The following PDE4B variants were observed in gnomAD, a reference collection of about 807,000 sequenced individuals.
PDE4B encodes the protein phosphodiesterase 4B.
In PDE4B, 20 loss-of-function variants were observed where a neutral mutation model predicts 82.2. That is an observed-to-expected ratio of 0.24 (90% confidence interval 0.17 to 0.35). The LOEUF (loss-of-function observed/expected upper bound fraction) is 0.35, where lower values mean the gene tolerates loss of function less well. Ranked by LOEUF, PDE4B falls within the 10% of genes least tolerant of loss-of-function variation. The pLI is 1.00. For synonymous variants in PDE4B, 320 were observed against 318.9 expected (o/e 1.00, Z -0.04); for missense variants, 655 against 907.2 (o/e 0.72, Z 3.57).
intron 7 of PDE4B, among the ~76,000 whole-genome samples, chr1:66,311,569 G>A (rs1037511757): frequency 6.6e-6 from 1 of 152,258 alleles, no homozygotes; most frequent in Non-Finnish European, 1.5e-5. Flanking sequence ...ATGGCAGGTA[G>A]CTTGAGAGAA....
chr1:66,256,912 T>C (rs902721305), intron 4 of PDE4B, among the ~76,000 whole-genome samples: 1 of 152,202 alleles, frequency 6.6e-6, no homozygotes, highest in Non-Finnish European at 1.5e-5. Flanking sequence ...ATAGAGAGTT[T>C]GCTGAATGTG....
chr1:65,963,971 A>G (rs1649676185), intron 3 of PDE4B, among the ~76,000 whole-genome samples: 1 of 152,168 alleles, frequency 6.6e-6, no homozygotes, highest in Admixed American at 6.6e-5. Flanking sequence ...AAACTGGTAA[A>G]TTATCAGAAG....
chr1:65,900,187 G>C (rs1333897235), intron 1 of PDE4B, among the ~76,000 whole-genome samples: 1 of 152,008 alleles, frequency 6.6e-6, no homozygotes, highest in Non-Finnish European at 1.5e-5. Context: ...TGGGTAGCCA[G>C]TTACGCCAGC....
intron 3 of PDE4B, among the ~76,000 whole-genome samples, chr1:66,229,641 A>G (rs2101628555): frequency 6.6e-6 from 1 of 152,278 alleles, no homozygotes; most frequent in Non-Finnish European, 1.5e-5. Flanking sequence ...GATTTTGAGG[A>G]ATTACATTTC....
intron 7 of PDE4B, among the ~76,000 whole-genome samples, chr1:66,309,862 A>ATAGCAATAT (rs1658544773): frequency 6.6e-6 from 1 of 152,212 alleles, no homozygotes; most frequent in South Asian, 2.1e-4. Flanking sequence ...AATAGCAATA[A>ATAGCAATAT]TAATAGTATG....
At chr1:66,101,199 T>A (rs1274635755) in intron 3 of PDE4B, among the ~76,000 whole-genome samples, 1 of 152,192 alleles carries the variant, frequency 6.6e-6, no homozygotes, top group African/African-American at 2.4e-5. Context: ...CCATGGTGTA[T>A]ATGTGCCACA....
intron 2 of PDE4B, among the ~76,000 whole-genome samples, chr1:65,914,670 T>C (rs1178630711): frequency 2.6e-5 from 4 of 152,100 alleles, no homozygotes; most frequent in African/African-American, 9.7e-5. Context: ...GCCAATATTT[T>C]GTTTTTTGGA....
chr1:66,243,647 AAT>A (rs143473721), intron 3 of PDE4B, among the ~76,000 whole-genome samples: 3,513 of 152,284 alleles, frequency 0.023, 71 homozygotes, highest in African/African-American at 0.047. Flanking sequence ...TGGAGACTGT[AAT>A]GGGAAAGACA....
intron 3 of PDE4B, among the ~76,000 whole-genome samples, chr1:66,016,159 T>A (rs181765665): frequency 0.012 from 1,756 of 152,266 alleles, 35 homozygotes; most frequent in African/African-American, 0.04. Flanking sequence ...TTCATGGAGT[T>A]GTTGTGAGGA....
intron 3 of PDE4B, among the ~76,000 whole-genome samples, chr1:66,017,052 G>A (rs1213525425): frequency 6.6e-6 from 1 of 152,182 alleles, no homozygotes; most frequent in Non-Finnish European, 1.5e-5. Flanking sequence ...CATTAGGTTG[G>A]AACAGGAGGG....
intron 13 of PDE4B, among the ~76,000 whole-genome samples, chr1:66,366,710 T>C (rs1278527332): frequency 6.6e-6 from 1 of 152,228 alleles, no homozygotes; most frequent in East Asian, 1.9e-4. Flanking sequence ...GTTGGTAGAA[T>C]GTGGTGTCAT....
At chr1:66,228,421 A>G (rs528515087) in intron 3 of PDE4B, among the ~76,000 whole-genome samples, 117 of 152,190 alleles carry the variant, frequency 7.7e-4, no homozygotes, top group East Asian at 2.3e-3. Context: ...TCAGGAGATC[A>G]AGACCATCCT....
chr1:66,022,484 A>G (rs1653186200), intron 3 of PDE4B, among the ~76,000 whole-genome samples: 1 of 152,210 alleles, frequency 6.6e-6, no homozygotes, highest in African/African-American at 2.4e-5. Context: ...ATATGCCATC[A>G]GTACCTAATT....
chr1:65,985,509 T>G (rs1309496130), intron 3 of PDE4B, among the ~76,000 whole-genome samples: 1 of 152,218 alleles, frequency 6.6e-6, no homozygotes. Context: ...AAAGAGGTTT[T>G]CCCAAATATA....
chr1:65,914,615 A>AG (rs1039824711), intron 2 of PDE4B, among the ~76,000 whole-genome samples: 1 of 152,002 alleles, frequency 6.6e-6, no homozygotes. Context: ...AAAAAAAAAA[A>AG]AAAGGCTTGT....
At chr1:66,101,126 C>T (rs1258442235) in intron 3 of PDE4B, among the ~76,000 whole-genome samples, 1 of 152,136 alleles carries the variant, frequency 6.6e-6, no homozygotes, top group Non-Finnish European at 1.5e-5. Flanking sequence ...ATGACGGTTT[C>T]CAGCTTCATC....
At chr1:65,994,787 C>G (rs1651443209) in intron 3 of PDE4B, among the ~76,000 whole-genome samples, 1 of 151,920 alleles carries the variant, frequency 6.6e-6, no homozygotes, top group Non-Finnish European at 1.5e-5. Flanking sequence ...TTCTTAAACC[C>G]TTGGTAATAT....
chr1:65,864,559 T>C (rs577745213), intron 1 of PDE4B, among the ~76,000 whole-genome samples: 1 of 152,146 alleles, frequency 6.6e-6, no homozygotes, highest in Non-Finnish European at 1.5e-5. Flanking sequence ...GGGTCCTTTA[T>C]GTTGATGTTG....
rs150474659 is a variant in PDE4B at position 65,960,079 on chromosome 1, T to C, written c.281+41244T>C. Among the ~76,000 whole-genome samples, 480 of 152,294 alleles carry C rather than the reference T, an allele frequency of 3.2e-3. 2 individuals are homozygous for C. Among genetic ancestry groups the C allele is most frequent in the Middle Eastern group, 0.027 (8 of 294 alleles). ...GCTTTGTAAAGTCTACATTTTATTA[T>C]TGCATTTGCTATTTTTAGCTCTTTA... On this transcript the variant is annotated intron_variant, in intron 3 of 16. Transcript: ENST00000341517.
Sources: allele counts gnomAD v4.1 joint callset (sites outside exome capture counted in the v4.1 genomes callset), GRCh38; gene constraint gnomAD v4.1.1; transcripts MANE v1.5; gene names NCBI Gene and HGNC (gene_info 2026-07-23, HGNC 2026-07-21).